Variants in CTIF observed in about 807,000 individuals in gnomAD.
The protein encoded by CTIF is CBP80/20-dependent translation initiation factor.
Under a neutral mutation model 66.0 loss-of-function variants are expected in CTIF, and 21 were observed. That is an observed-to-expected ratio of 0.32 (90% CI 0.23 to 0.46). The LOEUF is 0.46. Among genes scored for constraint, CTIF ranks in the 20% least tolerant of loss-of-function variants. CTIF has a pLI of 1.00. For synonymous variants in CTIF, 345 were observed against 326.4 expected, an observed-to-expected ratio of 1.06 and a Z score of -0.62; for missense variants, 739 against 812.7, an observed-to-expected ratio of 0.91 and a Z score of 1.10.
At chr18:48,602,720 C>A (rs754376462) in intron 1 of CTIF, among the ~76,000 whole-genome samples, 2 of 152,176 alleles carry the variant, frequency 1.3e-5, no homozygotes, top group African/African-American at 4.8e-5. Context: ...CGCTTCTCTG[C>A]CCTTCGTTTT....
At chr18:48,823,522 T>A (rs2068524649) in intron 10 of CTIF, among the ~76,000 whole-genome samples, 1 of 152,246 alleles carries the variant, frequency 6.6e-6, no homozygotes, top group African/African-American at 2.4e-5. Flanking sequence ...TTGGTCTATA[T>A]GCCTGTTTTC....
chr18:48,666,874 T>A lies in CTIF; in HGVS notation c.431+2323T>A, dbSNP rs529354118. On this transcript the variant is annotated intron_variant, in intron 5 of 11. Coordinates refer to ENST00000256413, the MANE Select transcript of CTIF (RefSeq NM_014772.3). Reference sequence around the variant, plus strand: ...TCCACACTTCTGTGCTTAGGAAGGATGGCCTTACCTACCTTTCTCAGTGGG... The same window carrying A: ...TCCACACTTCTGTGCTTAGGAAGGAAGGCCTTACCTACCTTTCTCAGTGGG... Among the ~76,000 whole-genome samples, 26 of 152,290 alleles carry A rather than the reference T, an allele frequency of 1.7e-4. No homozygotes were observed. The South Asian group carries it at 4.8e-3, about 28-fold the overall frequency.
chr18:48,736,162 A>G (rs936848593), intron 7 of CTIF, among the ~76,000 whole-genome samples: 2 of 152,222 alleles, frequency 1.3e-5, no homozygotes, highest in African/African-American at 4.8e-5. Flanking sequence ...AGACCTGGTC[A>G]GTGCAGAAAG....
intron 2 of CTIF, chr18:48,621,419 GA>G: frequency 8.4e-6 from 2 of 238,870 alleles, no homozygotes; most frequent in South Asian, 4.0e-5. Context: ...GAGGATGAGG[GA>G]GGGAGAGCTG....
chr18:48,812,315 A>T (rs1019138972), intron 9 of CTIF, among the ~76,000 whole-genome samples: 1 of 152,212 alleles, frequency 6.6e-6, no homozygotes, highest in South Asian at 2.1e-4. Flanking sequence ...TAAGATAAAC[A>T]TGTAGGAGTG....
intron 10 of CTIF, among the ~76,000 whole-genome samples, chr18:48,842,046 C>A (rs117705917): frequency 0.039 from 5,905 of 152,198 alleles, 232 homozygotes; most frequent in South Asian, 0.21. Flanking sequence ...AGTGTGCACT[C>A]AGCTAATATC....
At chr18:48,622,964 A>G (rs1225501603) in intron 2 of CTIF, among the ~76,000 whole-genome samples, 1 of 152,228 alleles carries the variant, frequency 6.6e-6, no homozygotes, top group African/African-American at 2.4e-5. Context: ...TCAAAGCTTC[A>G]CCCCAGAGGT....
intron 1 of CTIF, among the ~76,000 whole-genome samples, chr18:48,598,169 G>T (rs1386038493): frequency 1.3e-5 from 2 of 152,212 alleles, no homozygotes; most frequent in Non-Finnish European, 1.5e-5. Flanking sequence ...GTTGGCGGAG[G>T]CTCTGATGGT....
At chr18:48,604,199 C>T (rs1273352208) in intron 1 of CTIF, among the ~76,000 whole-genome samples, 2 of 51,378 alleles carry the variant, frequency 3.9e-5, no homozygotes, top group African/African-American at 6.5e-5. Flanking sequence ...TTTTTTGAGA[C>T]GGGTCTCGCT....
chr18:48,604,789 C>T (rs1029435818), intron 1 of CTIF, among the ~76,000 whole-genome samples: 2 of 152,202 alleles, frequency 1.3e-5, no homozygotes, highest in African/African-American at 2.4e-5. Context: ...TCCCTGCCTC[C>T]TTCCTGCCTC....
At chr18:48,851,744 T>C (rs77965108) in intron 10 of CTIF, among the ~76,000 whole-genome samples, 17,195 of 152,128 alleles carry the variant, frequency 0.11, 1,210 homozygotes, top group Non-Finnish European at 0.16. Flanking sequence ...CTGCCCTCCC[T>C]TCCTTCGCAT....
Position 48,683,272 on chromosome 18 carries a change from G to GA in CTIF, c.507+12531dup, listed in dbSNP as rs2091778052. ...AGCAGGCCTAGCTAAACACGCCCTG[G>GA]AAAGGCTACATACTGTGGTTGTGTC... On this transcript the variant is annotated intron_variant, in intron 6 of 11. Coordinates refer to ENST00000256413, the MANE Select transcript of CTIF (RefSeq NM_014772.3). 2.0e-5 allele frequency: 3 copies of GA among 151,808 alleles called. No individual in the cohort carries two copies. The South Asian group carries it at 6.2e-4, about 32-fold the overall frequency. The allele number at this position is 151,808 out of a possible 1,614,324, so 9.4% of individuals were successfully genotyped here.
chr18:48,595,271 C>T lies in CTIF; in HGVS notation c.-28-24267C>T, dbSNP rs905133808. Among the ~76,000 whole-genome samples, 7 of 152,084 alleles carry T rather than the reference C, an allele frequency of 4.6e-5. No homozygotes were observed. In the South Asian group the frequency reaches 6.2e-4, roughly 14 times the overall value. On this transcript the variant is annotated intron_variant, in intron 1 of 11. Coordinates refer to ENST00000256413, the MANE Select transcript of CTIF (RefSeq NM_014772.3). ...CACCCAGCCCAGCCTCTTATCCAGA[C>T]GAGGGGACTGAGAGCAAAGGGGAGA...
Position 48,739,493 on chromosome 18 carries a change from T to C in CTIF, c.585-18426T>C, listed in dbSNP as rs77389853. Among the ~76,000 whole-genome samples, 126 of 152,356 alleles carry C rather than the reference T, an allele frequency of 8.3e-4. 2 individuals are homozygous for C. The East Asian group carries it at 0.023, about 28-fold the overall frequency. ...CACAGTACAAACCCTGCTCTGGCCC[T>C]GGCTCTGCCCTTGCTCACTCTCTGG... On this transcript the variant is annotated intron_variant, in intron 7 of 11. Transcript: ENST00000256413.
intron 7 of CTIF, among the ~76,000 whole-genome samples, chr18:48,741,780 T>G (rs946856184): frequency 6.6e-6 from 1 of 152,090 alleles, no homozygotes; most frequent in African/African-American, 2.4e-5. Flanking sequence ...AGAAGTGGAC[T>G]TATGGGGCTG....
At position 48,631,338 on chromosome 18, in the gene CTIF, C is replaced by T. The variant is rs140049916; in HGVS notation, c.181-5276C>T. Among the ~76,000 whole-genome samples, 8 of 152,298 alleles carry T rather than the reference C, an allele frequency of 5.3e-5. No individual in the cohort carries two copies. The South Asian group carries it at 6.2e-4, about 12-fold the overall frequency. ...AAAATTAACCGGGTGTGGTGGAGAA[C>T]GCCTGTAGTCCCAGCTACTTGGGAG... On this transcript the variant is annotated intron_variant, in intron 2 of 11. Coordinates refer to ENST00000256413, the MANE Select transcript of CTIF (RefSeq NM_014772.3).
At chr18:48,824,849 C>T (rs1019294915) in intron 10 of CTIF, among the ~76,000 whole-genome samples, 2 of 152,144 alleles carry the variant, frequency 1.3e-5, no homozygotes, top group Non-Finnish European at 2.9e-5. Context: ...GCCATGTTGG[C>T]CAGGCTAGTC....
At position 48,758,307 on chromosome 18, in the gene CTIF, C is replaced by T. The variant is rs775145496; in HGVS notation, c.973C>T (p.Arg325Cys). Residue 325 changes from arginine to cysteine, a missense_variant, in exon 8 of 12, where the codon CGT (arginine) becomes TGT (cysteine). Physicochemically the swap from Arg to Cys is radical, Grantham distance 180. Around this residue, in one of 2 missense-constraint regions of CTIF, gnomAD observed 529 missense variants for 520.3 expected, o/e 1.02. Coordinates refer to ENST00000256413, the MANE Select transcript of CTIF (RefSeq NM_014772.3). ...QSGGPEVETK[R>C]KDSILPERIG... is the part of the protein sequence containing the mutation. ...AGGGGGGCCAGAGGTTGAGACAAAA[C>T]GTAAAGACAGTATTCTTCCCGAGCG... is the stretch of plus-strand genomic sequence containing the variant. The T allele has an allele frequency of 1.6e-5, 26 of 1,613,196 alleles. No homozygotes were observed. Among genetic ancestry groups the T allele is most frequent in the East Asian group, 4.5e-5 (2 of 44,890 alleles).
chr18:48,664,979 A>G (rs2091414010), intron 5 of CTIF, among the ~76,000 whole-genome samples: 2 of 145,804 alleles, frequency 1.4e-5, no homozygotes, highest in South Asian at 2.3e-4. Context: ...CAGTGGCGCA[A>G]TCTCGGCTCA....
Sources: gnomAD v4.1 joint callset for allele counts (sites outside exome capture counted in the v4.1 genomes callset) on GRCh38, gnomAD v4.1.1 for gene constraint, gnomAD v4.1.1 regional missense constraint, MANE v1.5 for transcripts, NCBI Gene and HGNC (gene_info 2026-07-23, HGNC 2026-07-21) for gene names.